PDXDC1: variants seen among roughly 807,000 people sequenced by gnomAD.
The protein encoded by PDXDC1 is pyridoxal dependent decarboxylase domain containing 1, also known as pyridoxal-dependent decarboxylase domain-containing protein 1.
PDXDC1 carries 42 observed loss-of-function variants against 100.1 expected under a neutral mutation model. The ratio of observed to expected loss-of-function variants is 0.42; its 90% CI spans 0.33 to 0.54. The LOEUF is 0.54. PDXDC1 is among the 20% of genes least tolerant of loss of function. The probability of loss-of-function intolerance (pLI) is 0.10; values close to 1 mark genes in which losing one functional copy is unlikely to be tolerated. For synonymous variants in PDXDC1, 260 were observed against 371.7 expected, an observed-to-expected ratio of 0.70 and a Z score of 3.46; for missense variants, 636 against 979.2, an observed-to-expected ratio of 0.65 and a Z score of 4.68.
chr16:15,065,448 A>T, intron 16 of PDXDC1: 1 of 1,268,376 alleles, frequency 7.9e-7, no homozygotes, highest in Non-Finnish European at 1.1e-6. Flanking sequence ...GCTGCGTGTG[A>T]CAACTGTACC....
intron 16 of PDXDC1, chr16:15,127,404 C>T (rs1375026716): frequency 1.8e-5 from 24 of 1,328,216 alleles, no homozygotes; most frequent in Middle Eastern, 2.5e-4. Flanking sequence ...AAAGTGGCGG[C>T]TCTGGGCATG....
intron 6 of PDXDC1, among the ~76,000 whole-genome samples, chr16:15,007,052 T>C (rs553521472): frequency 6.6e-6 from 1 of 152,394 alleles, no homozygotes; most frequent in Admixed American, 6.5e-5. Flanking sequence ...GTAGTGCTGT[T>C]AAGGACTTCT....
rs1264471042 is a variant in PDXDC1 at position 15,036,373 on chromosome 16, T to C, written c.*98T>C. The C allele has an allele frequency of 8.4e-7, 1 of 1,197,428 alleles. No homozygotes were observed. Among genetic ancestry groups the C allele is most frequent in the Non-Finnish European group, 1.2e-6 (1 of 844,644 alleles). 74.2% of individuals were successfully genotyped at this position (1,197,428 alleles called of 1,614,324 possible). ...TGTGCCACATACTAATATAAATTAC[T>C]GTTGTTTGTGCTTCACTGGGATTTT... On this transcript the variant is annotated 3_prime_UTR_variant, in exon 23 of 23. Coordinates refer to ENST00000396410, the MANE Select transcript of PDXDC1 (RefSeq NM_015027.4).
At chr16:15,130,513 T>C in intron 16 of PDXDC1, 1 of 1,338,328 alleles carries the variant, frequency 7.5e-7, no homozygotes, top group East Asian at 2.3e-5. Context: ...GATATCGGAG[T>C]CCCAGAGCCC....
chr16:14,987,519 TA>T (rs1455018787), intron 1 of PDXDC1, among the ~76,000 whole-genome samples: 4 of 152,412 alleles, frequency 2.6e-5, no homozygotes, highest in Non-Finnish European at 4.4e-5. Context: ...TCTGATTGAA[TA>T]TTTACTCTGT....
intron 16 of PDXDC1, among the ~76,000 whole-genome samples, chr16:15,124,344 C>T (rs62039540): frequency 6.6e-6 from 1 of 152,202 alleles, no homozygotes; most frequent in African/African-American, 2.4e-5. Flanking sequence ...CAGCTGAAAA[C>T]CACTGCTTTA....
chr16:15,006,683 T>G (rs1671271195), intron 6 of PDXDC1, 100 bp downstream of exon 6: 1 of 1,203,388 alleles, frequency 8.3e-7, no homozygotes, highest in Non-Finnish European at 1.1e-6. Context: ...TCTTGCTGAG[T>G]GAAAAGAAAG....
At chr16:15,019,532 A>G (rs1355188881) in intron 12 of PDXDC1, among the ~76,000 whole-genome samples, 1 of 152,296 alleles carries the variant, frequency 6.6e-6, no homozygotes, top group East Asian at 1.9e-4. Context: ...ATTTATAAAC[A>G]ACAGACATTT....
chr16:15,132,573 G>T, intron 16 of PDXDC1: 1 of 659,434 alleles, frequency 1.5e-6, no homozygotes, highest in South Asian at 1.7e-5. Flanking sequence ...GGCTACTGAA[G>T]CAGGTCAGAG....
chr16:15,135,301 C>T, intron 16 of PDXDC1: 5 of 1,521,994 alleles, frequency 3.3e-6, no homozygotes, highest in Non-Finnish European at 3.5e-6. Context: ...TGGCCTCCTC[C>T]TTGCGGCCGG....
At chr16:15,074,805 C>G (rs2045381324) in intron 16 of PDXDC1, 3 of 1,614,014 alleles carry the variant, frequency 1.9e-6, no homozygotes, top group Non-Finnish European at 1.7e-6. Flanking sequence ...GATGCACCAT[C>G]TGGTCGAGCC....
At chr16:15,032,544 C>G in intron 17 of PDXDC1, 2 of 225,424 alleles carry the variant, frequency 8.9e-6, no homozygotes, top group South Asian at 1.6e-4. Flanking sequence ...GTCCCAGCTA[C>G]TCGGGAAGCT....
chr16:15,133,764 C>T (rs899013395), intron 16 of PDXDC1: 120 of 1,588,746 alleles, frequency 7.6e-5, no homozygotes, highest in Middle Eastern at 2.3e-4. Flanking sequence ...CGGGGGATCC[C>T]GCTGCTCCCC....
intron 4 of PDXDC1, among the ~76,000 whole-genome samples, chr16:15,003,405 A>G (rs1007782729): frequency 3.3e-5 from 5 of 152,138 alleles, no homozygotes; most frequent in Non-Finnish European, 7.3e-5. Flanking sequence ...TTTAGTAGAG[A>G]TGGGGTTTCA....
intron 1 of PDXDC1, among the ~76,000 whole-genome samples, chr16:14,995,276 G>T (rs1597370780): frequency 2.6e-5 from 4 of 152,400 alleles, no homozygotes; most frequent in South Asian, 4.1e-4. Flanking sequence ...TTGGCTGTGG[G>T]TTTGTCATAG....
chr16:15,139,932 C>T (rs943356998), downstream of PDXDC1, among the ~76,000 whole-genome samples: 4 of 151,788 alleles, frequency 2.6e-5, no homozygotes, highest in African/African-American at 4.8e-5. Context: ...CCCATCTCTA[C>T]TAAAAATGCA....
At chr16:15,046,739 G>A (rs1418884962) in intron 16 of PDXDC1, among the ~76,000 whole-genome samples, 2 of 148,464 alleles carry the variant, frequency 1.3e-5, no homozygotes, top group East Asian at 4.0e-4. Flanking sequence ...GCTGGGTATG[G>A]TGGTGTACAC....
chr16:15,014,606 G>A (rs1240886294), intron 8 of PDXDC1, among the ~76,000 whole-genome samples: 101 of 152,364 alleles, frequency 6.6e-4, no homozygotes, highest in African/African-American at 2.3e-3. Context: ...GTAGATTTAG[G>A]TATGAGGGGA....
intron 13 of PDXDC1, 83 bp from the exon 14 acceptor site, chr16:15,026,560 G>A: frequency 8.9e-7 from 1 of 1,120,202 alleles, no homozygotes; most frequent in Non-Finnish European, 1.3e-6. Flanking sequence ...GCATTTCTAA[G>A]CGAGTTTTTG....
Sources: gnomAD v4.1 joint callset for allele counts (sites outside exome capture counted in the v4.1 genomes callset) on GRCh38, gnomAD v4.1.1 for gene constraint, MANE v1.5 for transcripts, NCBI Gene and HGNC (gene_info 2026-07-23, HGNC 2026-07-21) for gene names.